WWOX: variants seen among roughly 807,000 people sequenced by gnomAD.
WWOX encodes WW domain-containing oxidoreductase.
In WWOX, 69 loss-of-function variants were observed where a neutral mutation model predicts 46.2. The observed-to-expected ratio is 1.49, with a 90% CI of 1.23 to 1.82. The LOEUF is 1.82. WWOX is among the 40% of genes most tolerant of loss of function. The probability of loss-of-function intolerance (pLI) is 0.00; values close to 1 mark genes in which losing one functional copy is unlikely to be tolerated. For missense variants in WWOX, 919 were observed against 542.6 expected, an observed-to-expected ratio of 1.69 and a Z score of -6.89; for synonymous variants, 359 against 202.6, an observed-to-expected ratio of 1.77 and a Z score of -6.56.
At chr16:78,740,735 G>C (rs953910693) in intron 8 of WWOX, among the ~76,000 whole-genome samples, 7 of 152,140 alleles carry the variant, frequency 4.6e-5, no homozygotes, top group African/African-American at 1.4e-4. Context: ...CATTCAATTT[G>C]ACACACCAAA....
chr16:78,330,818 G>C (rs72792379), intron 5 of WWOX, among the ~76,000 whole-genome samples: 11,997 of 152,274 alleles, frequency 0.079, 674 homozygotes, highest in East Asian at 0.27. Context: ...GACTTCATTT[G>C]TACTTTCAAA....
chr16:79,066,369 A>C (rs1346613964), intron 8 of WWOX, among the ~76,000 whole-genome samples: 1 of 152,042 alleles, frequency 6.6e-6, no homozygotes, highest in African/African-American at 2.4e-5. Context: ...GACATAGTAG[A>C]CTCCATCAGG....
chr16:78,897,629 G>A (rs902977615), intron 8 of WWOX: 12 of 152,096 alleles, frequency 7.9e-5, no homozygotes, highest in Admixed American at 2.0e-4. Context: ...AAGCTACCAC[G>A]AATATTCATA....
chr16:78,531,568 C>T (rs748859857), intron 8 of WWOX, among the ~76,000 whole-genome samples: 1 of 152,136 alleles, frequency 6.6e-6, no homozygotes, highest in Non-Finnish European at 1.5e-5. Context: ...ATGGGCTGGG[C>T]GTGGTGGCTC....
chr16:78,509,505 A>G lies in WWOX; in HGVS notation c.1056+76753A>G, dbSNP rs1365083604. Among the ~76,000 whole-genome samples, 3 of 152,038 alleles carry G rather than the reference A, an allele frequency of 2.0e-5. No individual in the cohort carries two copies. The South Asian group carries it at 6.2e-4, about 32-fold the overall frequency. Reference sequence around the variant, plus strand: ...CAATACTCCGTAGCCATTTTACCGCATGTGACTATTAGCTGTGCTTTTGCG... The same window carrying G: ...CAATACTCCGTAGCCATTTTACCGCGTGTGACTATTAGCTGTGCTTTTGCG... On this transcript the variant is annotated intron_variant, in intron 8 of 8. Coordinates refer to ENST00000566780, the MANE Select transcript of WWOX (RefSeq NM_016373.4).
intron 8 of WWOX, among the ~76,000 whole-genome samples, chr16:78,530,174 G>T (rs540288105): frequency 6.6e-6 from 1 of 152,254 alleles, no homozygotes; most frequent in South Asian, 2.1e-4. Flanking sequence ...ATCTGGCAGG[G>T]GATGCCCGTG....
intron 5 of WWOX, among the ~76,000 whole-genome samples, chr16:78,165,582 G>C (rs146672673): frequency 2.6e-5 from 4 of 152,122 alleles, no homozygotes; most frequent in African/African-American, 7.2e-5. Flanking sequence ...TGGGAGGAGG[G>C]GGAGGAGGAG....
intron 5 of WWOX, among the ~76,000 whole-genome samples, chr16:78,217,300 C>A (rs2036753778): frequency 6.6e-6 from 1 of 152,160 alleles, no homozygotes; most frequent in African/African-American, 2.4e-5. Context: ...GCACCACTGG[C>A]CAAAGCGAGG....
At chr16:78,757,473 C>T (rs1441242519) in intron 8 of WWOX, among the ~76,000 whole-genome samples, 1 of 152,078 alleles carries the variant, frequency 6.6e-6, no homozygotes, top group Non-Finnish European at 1.5e-5. Context: ...TGACAAATAC[C>T]ATCTAGGACC....
At chr16:78,304,612 G>C (rs75729871) in intron 5 of WWOX, among the ~76,000 whole-genome samples, 5,740 of 152,238 alleles carry the variant, frequency 0.038, 204 homozygotes, top group African/African-American at 0.089. Flanking sequence ...ATATATACGC[G>C]TGCTGCTTCA....
chr16:78,524,116 C>T (rs1037486919), intron 8 of WWOX, among the ~76,000 whole-genome samples: 2 of 152,158 alleles, frequency 1.3e-5, no homozygotes, highest in Non-Finnish European at 2.9e-5. Flanking sequence ...AGTCGGCAAA[C>T]ATCACTTTGT....
chr16:78,176,136 A>G (rs1037034461), intron 5 of WWOX, among the ~76,000 whole-genome samples: 7 of 152,160 alleles, frequency 4.6e-5, no homozygotes, highest in South Asian at 2.1e-4. Flanking sequence ...AGCGTCTTCT[A>G]TGCACCGGCC....
rs374647181 is a variant in WWOX, at chr16:78,736,329, G to C, written c.1056+303577G>C. 1.6e-3 allele frequency among the ~76,000 whole-genome samples: 249 copies of C among 152,226 alleles called. 6 individuals are homozygous for C. In the South Asian group the frequency reaches 0.049, roughly 30 times the overall value. On this transcript the variant is annotated intron_variant, in intron 8 of 8. Coordinates refer to ENST00000566780, the MANE Select transcript of WWOX (RefSeq NM_016373.4). ...GTATGTTGCCAGGTGTCTTGGGCAA[G>C]GTGGACAAGGATGCCAGCAAAGTGA...
intron 8 of WWOX, among the ~76,000 whole-genome samples, chr16:79,043,001 C>G (rs9930618): frequency 0.016 from 2,371 of 152,144 alleles, 24 homozygotes; most frequent in Middle Eastern, 0.041. Flanking sequence ...TTGGTCTTGT[C>G]TTTGAGCTTT....
chr16:78,408,680 C>T (rs555307139), intron 6 of WWOX, among the ~76,000 whole-genome samples: 1 of 152,248 alleles, frequency 6.6e-6, no homozygotes, highest in East Asian at 1.9e-4. Flanking sequence ...TGTAAAAGGT[C>T]TTGGGTAAGC....
chr16:78,931,963 C>G (rs149751262), intron 8 of WWOX, among the ~76,000 whole-genome samples: 2 of 152,278 alleles, frequency 1.3e-5, no homozygotes, highest in Non-Finnish European at 2.9e-5. Flanking sequence ...GGGCAGTTCC[C>G]CTGCACAAAC....
At chr16:78,180,431 G>A (rs1196306983) in intron 5 of WWOX, among the ~76,000 whole-genome samples, 11 of 152,016 alleles carry the variant, frequency 7.2e-5, no homozygotes, top group Non-Finnish European at 2.9e-5. Context: ...CCCAAGAGTA[G>A]GGGGTATATG....
At chr16:78,331,493 T>C (rs1401433639) in intron 5 of WWOX, among the ~76,000 whole-genome samples, 3 of 152,236 alleles carry the variant, frequency 2.0e-5, no homozygotes, top group South Asian at 2.1e-4. Flanking sequence ...CTTCGTAATA[T>C]AGCTAGTTTT....
At chr16:78,386,978 A>G (rs774434428) in intron 6 of WWOX, 30 bp downstream of exon 6, 2 of 1,594,014 alleles carry the variant, frequency 1.3e-6, no homozygotes, top group Non-Finnish European at 1.7e-6. Context: ...GTTATAGATC[A>G]TAATTTCTTG....
Sources: gnomAD v4.1 joint callset for allele counts (sites outside exome capture counted in the v4.1 genomes callset) on GRCh38, gnomAD v4.1.1 for gene constraint, MANE v1.5 for transcripts, NCBI Gene and HGNC (gene_info 2026-07-23, HGNC 2026-07-21) for gene names.